Variants in DLG1 observed in about 807,000 individuals in gnomAD.
DLG1 encodes discs large MAGUK scaffold protein 1, also known as disks large homolog 1.
A neutral mutation model predicts 123.4 loss-of-function variants in DLG1; 42 were observed. The observed-to-expected ratio is 0.34, with a 90% CI of 0.27 to 0.44. The LOEUF (loss-of-function observed/expected upper bound fraction) is 0.44, where lower values mean the gene tolerates loss of function less well. Ranked by LOEUF, DLG1 falls within the 20% of genes least tolerant of loss-of-function variation. DLG1 has a pLI of 1.00. For synonymous variants in DLG1, 317 were observed against 356.2 expected (o/e 0.89, Z 1.24); for missense variants, 942 against 1,082.6 (o/e 0.87, Z 1.82).
chr3:197,076,500 A>G, intron 18 of DLG1, 86 bp downstream of exon 18: 1 of 968,924 alleles, frequency 1.0e-6, no homozygotes, highest in Non-Finnish European at 1.5e-6. Context: ...CAGCTCTTGA[A>G]ACTGTCTCCA....
At chr3:197,186,493 T>C (rs1250012089) in intron 5 of DLG1, among the ~76,000 whole-genome samples, 3 of 152,206 alleles carry the variant, frequency 2.0e-5, no homozygotes, top group African/African-American at 7.2e-5. Context: ...TAATATAATC[T>C]ATAGAATTCT....
At chr3:197,265,594 A>C (rs1429766585) in intron 4 of DLG1, among the ~76,000 whole-genome samples, 1 of 152,230 alleles carries the variant, frequency 6.6e-6, no homozygotes, top group African/African-American at 2.4e-5. Context: ...AGTTTTGATC[A>C]GTACATGCAT....
At chr3:197,146,058 TAGCTA>T (rs1327595710) in intron 6 of DLG1, among the ~76,000 whole-genome samples, 2 of 151,396 alleles carry the variant, frequency 1.3e-5, no homozygotes, top group African/African-American at 2.4e-5. Flanking sequence ...CTTTTTACAA[TAGCTA>T]AAGGAAAATA....
At chr3:197,254,189 C>T (rs73210567) in intron 4 of DLG1, among the ~76,000 whole-genome samples, 19,137 of 152,132 alleles carry the variant, frequency 0.13, 1,265 homozygotes, top group Middle Eastern at 0.15. Context: ...CACATTAGAT[C>T]GCCTTCATGG....
chr3:197,234,809 T>G (rs534603462), intron 4 of DLG1, among the ~76,000 whole-genome samples: 2 of 152,264 alleles, frequency 1.3e-5, no homozygotes, highest in South Asian at 4.1e-4. Context: ...TTCATTTTTG[T>G]GTATTTCTAA....
At chr3:197,273,339 C>T (rs1230518197) in intron 4 of DLG1, among the ~76,000 whole-genome samples, 3 of 151,736 alleles carry the variant, frequency 2.0e-5, no homozygotes, top group Non-Finnish European at 4.4e-5. Flanking sequence ...CCTCTGCTTC[C>T]CAGGCCTCCT....
chr3:197,149,677 AT>A, intron 6 of DLG1, 65 bp downstream of exon 6: 1 of 990,308 alleles, frequency 1.0e-6, no homozygotes, highest in East Asian at 2.4e-5. Context: ...TGGTCTTCGC[AT>A]TTGTATCAAA....
At chr3:197,091,996 T>G (rs1469089494) in intron 14 of DLG1, among the ~76,000 whole-genome samples, 2 of 152,180 alleles carry the variant, frequency 1.3e-5, no homozygotes, top group Non-Finnish European at 2.9e-5. Context: ...ATCAAAAAGC[T>G]TAGAAACATT....
chr3:197,247,462 C>T (rs1752303546), intron 4 of DLG1, among the ~76,000 whole-genome samples: 1 of 152,046 alleles, frequency 6.6e-6, no homozygotes, highest in African/African-American at 2.4e-5. Flanking sequence ...TCTGGCTTGC[C>T]CCCTATACCT....
chr3:197,205,146 T>C (rs1237519584), intron 4 of DLG1, among the ~76,000 whole-genome samples: 2 of 152,054 alleles, frequency 1.3e-5, no homozygotes, highest in Non-Finnish European at 2.9e-5. Flanking sequence ...ACTTACTCCT[T>C]CCCCCAGAAG....
At chr3:197,121,962 C>G (rs1459018909) in intron 11 of DLG1, among the ~76,000 whole-genome samples, 1 of 151,844 alleles carries the variant, frequency 6.6e-6, no homozygotes, top group East Asian at 1.9e-4. Flanking sequence ...CAGGGCCAGA[C>G]AGATAGATAG....
At chr3:197,288,743 A>ACAAACATACATAC (rs1553827363) in intron 3 of DLG1, among the ~76,000 whole-genome samples, 1 of 72,078 alleles carries the variant, frequency 1.4e-5, no homozygotes, top group Non-Finnish European at 2.4e-5. Context: ...AAAAAAAAAA[A>ACAAACATACATAC]ATACATACAT....
At chr3:197,046,485 T>G (rs1041218583) in intron 24 of DLG1, among the ~76,000 whole-genome samples, 6 of 152,194 alleles carry the variant, frequency 3.9e-5, no homozygotes, top group African/African-American at 1.4e-4. Context: ...ACATCATTAC[T>G]TCATTGCTAT....
intron 5 of DLG1, among the ~76,000 whole-genome samples, chr3:197,169,575 T>C (rs1803095949): frequency 6.6e-6 from 1 of 152,192 alleles, no homozygotes; most frequent in Admixed American, 6.5e-5. Flanking sequence ...TATCTAAATA[T>C]ATTTAAAAAC....
At chr3:197,233,879 G>C (rs1318362249) in intron 4 of DLG1, among the ~76,000 whole-genome samples, 1 of 152,180 alleles carries the variant, frequency 6.6e-6, no homozygotes, top group African/African-American at 2.4e-5. Context: ...GTTTGCTTCA[G>C]GCTTCTCCAT....
At chr3:197,143,158 C>T (rs571149797) in intron 6 of DLG1, among the ~76,000 whole-genome samples, 2 of 152,304 alleles carry the variant, frequency 1.3e-5, no homozygotes, top group African/African-American at 4.8e-5. Flanking sequence ...CCTTGTTCAA[C>T]CTCCTCTGGA....
chr3:197,049,010 G>A (rs369182654), intron 24 of DLG1, among the ~76,000 whole-genome samples: 4 of 151,994 alleles, frequency 2.6e-5, no homozygotes, highest in South Asian at 4.1e-4. Context: ...CCCACTACTC[G>A]ATATATATAC....
At chr3:197,064,368 TGTTTA>T (rs1738074391) in intron 22 of DLG1, among the ~76,000 whole-genome samples, 1 of 152,110 alleles carries the variant, frequency 6.6e-6, no homozygotes, top group African/African-American at 2.4e-5. Context: ...AATTTTTGTA[TGTTTA>T]GTAGAGACGG....
intron 6 of DLG1, among the ~76,000 whole-genome samples, chr3:197,148,853 G>A (rs1409817300): frequency 1.3e-5 from 2 of 151,932 alleles, no homozygotes; most frequent in Admixed American, 6.6e-5. Context: ...ACGAAATTGC[G>A]GCATTTTCTA....
Sources: allele counts gnomAD v4.1 joint callset (sites outside exome capture counted in the v4.1 genomes callset), GRCh38; gene constraint gnomAD v4.1.1; transcripts MANE v1.5; gene names NCBI Gene and HGNC (gene_info 2026-07-23, HGNC 2026-07-21).